Variants in BICDL2 observed in about 807,000 individuals in gnomAD.
BICDL2 encodes the protein BICD family like cargo adaptor 2, also known as BICD family-like cargo adapter 2.
BICDL2 carries 62 observed loss-of-function variants against 56.6 expected under a neutral mutation model. The observed-to-expected ratio is 1.10, with a 90% CI of 0.89 to 1.35. The LOEUF (loss-of-function observed/expected upper bound fraction) is 1.35. Ranked by LOEUF, BICDL2 falls within the 40% of genes most tolerant of loss-of-function variation. The pLI is 0.00. For missense variants in BICDL2, 808 were observed against 684.5 expected (o/e 1.18, Z -2.01); for synonymous variants, 358 against 319.8 (o/e 1.12, Z -1.27).
intron 1 of BICDL2, chr16:3,036,373 C>T (rs1277992558): frequency 2.2e-6 from 1 of 449,308 alleles, no homozygotes; most frequent in African/African-American, 2.0e-5. Context: ...TAGGGCGGCT[C>T]AGGGGCTGGG....
chr16:3,034,521 A>G (rs942120974), intron 2 of BICDL2, among the ~76,000 whole-genome samples: 1 of 152,094 alleles, frequency 6.6e-6, no homozygotes, highest in Non-Finnish European at 1.5e-5. Flanking sequence ...ACCTCAAGTG[A>G]TCCAGCCACC....
At chr16:3,029,760 G>C (rs1190859064) in intron 5 of BICDL2, 21 bp from the exon 6 acceptor site, 66 of 1,455,442 alleles carry the variant, frequency 4.5e-5, no homozygotes, top group Non-Finnish European at 5.9e-5. Context: ...TCCCGCAGAC[G>C]GAAGCGCGGG....
In BICDL2 at chr16:3,029,612, G is replaced by A. The variant is rs1221333302; in HGVS notation, c.890C>T (p.Ser297Leu). ...GTCGTCGAGGCTGTGGGCCAGTTCT[G>A]ACTGCAACGAGGCAGCCGACACGTC... ...DADVSAASLQ[S>L]ELAHSLDDGD... Residue 297 changes from serine (S) to leucine (L), a missense_variant, in exon 6 of 10, where the codon TCA becomes TTA. Physicochemically the swap from Ser to Leu is moderately radical, Grantham distance 145 (BLOSUM62 -2). Coordinates refer to ENST00000572449, the MANE Select transcript of BICDL2 (RefSeq NM_001369667.1). 1 of 1,540,288 alleles carries A rather than the reference G, an allele frequency of 6.5e-7. No individual in the cohort carries two copies. The highest frequency in any genetic ancestry group is 1.2e-5 in the South Asian group (1 of 84,072).
chr16:3,031,019 C>T lies in BICDL2; in HGVS notation c.414G>A (p.Glu138=), dbSNP rs759073155. 7 of 1,549,812 alleles carry T rather than the reference C, an allele frequency of 4.5e-6. No individual in the cohort carries two copies. The East Asian group carries it at 1.7e-4, about 37-fold the overall frequency. The change falls in exon 3 of 10, where the codon GAG becomes GAA. Residue 138 remains glutamate (E), a synonymous_variant. Coordinates refer to ENST00000572449, the MANE Select transcript of BICDL2 (RefSeq NM_001369667.1). The stretch of plus-strand genomic sequence containing the variant: ...CCCGTTCTCGCCCACTGTCCTGCTG[C>T]TCTGAGCGCTGCTCCCCAAGCTGGG... ...LRAQLGEQRS[E]QQDSGRERAR...
At position 3,028,225 on chromosome 16, in the gene BICDL2, T is replaced by G. The variant is rs779998096; in HGVS notation, c.1408A>C (p.Lys470Gln). 6.8e-7 allele frequency: 1 copy of G among 1,473,264 alleles called. No homozygotes were observed. Among genetic ancestry groups the G allele is most frequent in the Non-Finnish European group, 8.9e-7 (1 of 1,123,604 alleles). 91.3% of individuals were successfully genotyped at this position (1,473,264 alleles called of 1,614,324 possible). ...GACGACGCGGAGGCGCTCAGCTCCT[T>G]CTGGCGCTGTGAGCGCAGCTGCTGC... ...IGQQLRSQRQ[K>Q]ELSASASSST... is the part of the protein sequence containing the mutation. Residue 470 changes from lysine to glutamine, a missense_variant, in exon 10 of 10, where the codon AAG becomes CAG. Physicochemically the swap from Lys to Gln is moderately conservative, Grantham distance 53 (BLOSUM62 1). Coordinates refer to ENST00000572449, the MANE Select transcript of BICDL2 (RefSeq NM_001369667.1).
chr16:3,028,266 A>C lies in BICDL2; in HGVS notation c.1367T>G (p.Met456Arg), dbSNP rs777999657. ...TQELEAWQDD[M>R]QVVIGQQLRS... ...CAGCTGCTGCCCGATCACCACCTGCATGTCGTCCTGCGGGAGGCCGTGGTC... is the reference window on the plus strand; with the variant it reads ...CAGCTGCTGCCCGATCACCACCTGCCTGTCGTCCTGCGGGAGGCCGTGGTC... Residue 456 changes from methionine (M) to arginine (R), a missense_variant, in exon 10 of 10, where the codon ATG becomes AGG. By Grantham distance (91) the Met-to-Arg change is moderately conservative. Transcript: ENST00000572449. 13 of 1,489,492 alleles carry C rather than the reference A, an allele frequency of 8.7e-6. No individual in the cohort carries two copies. The highest frequency in any genetic ancestry group is 1.5e-5 in the African/African-American group (1 of 68,414). The allele number at this position is 1,489,492 out of a possible 1,614,324, so 92.3% of individuals were successfully genotyped here.
At chr16:3,028,612 G>T (rs1440653560) in intron 8 of BICDL2, 88 bp downstream of exon 8, 8 of 1,477,448 alleles carry the variant, frequency 5.4e-6, no homozygotes, top group Non-Finnish European at 7.2e-6. Context: ...TGGGAGTGGG[G>T]ATCATTATAA....
At position 3,029,563 on chromosome 16, in the gene BICDL2, G is replaced by A. The variant is rs1955619954; in HGVS notation, c.939C>T (p.Asp313=). ...AGCTCACCGGGGTGTCTCCGGGTGC[G>A]TCGGCGCCCTGGCCCTGGTCGCCGT... ...LDDGDQGQGA[D]APGDTPTTRS... is the part of the protein sequence containing the mutation. The change falls in exon 6 of 10, where the codon GAC becomes GAT. Residue 313 remains aspartate, a synonymous_variant. Coordinates refer to ENST00000572449, the MANE Select transcript of BICDL2 (RefSeq NM_001369667.1). The A allele has an allele frequency of 1.9e-6, 3 of 1,548,004 alleles. No homozygotes were observed. Among genetic ancestry groups the A allele is most frequent in the Non-Finnish European group, 2.6e-6 (3 of 1,151,230 alleles).
Position 3,029,352 on chromosome 16 carries a change from C to T in BICDL2, c.1035G>A (p.Lys345=), listed in dbSNP as rs765499461. ...SPPEEILEPP[K]KRTSLSPAEI... is the part of the protein sequence containing the mutation. ...CCGCTGGACTGAGGGATGTTCGCTT[C>T]TTGGGGGGCTCTAAGATCTCTTCCG... The change falls in exon 7 of 10, where the codon AAG becomes AAA. Residue 345 remains lysine, a synonymous_variant. Transcript: ENST00000572449. 6.2e-7 allele frequency: 1 copy of T among 1,610,640 alleles called. No homozygotes were observed. The highest frequency in any genetic ancestry group is 8.5e-7 in the Non-Finnish European group (1 of 1,179,384).
chr16:3,028,548 G>A, intron 8 of BICDL2, 80 bp from the exon 9 acceptor site: 1 of 1,534,762 alleles, frequency 6.5e-7, no homozygotes, highest in Non-Finnish European at 8.7e-7. Flanking sequence ...TTCTGTACCC[G>A]GGCGGGAGGA....
chr16:3,031,352 C>G (rs1322191454), intron 2 of BICDL2: 3 of 593,268 alleles, frequency 5.1e-6, no homozygotes, highest in African/African-American at 3.7e-5. Context: ...TCCGAGCAGA[C>G]AGGACGCGTG....
chr16:3,035,185 A>ACCCCCCCCC, intron 2 of BICDL2, 30 bp downstream of exon 2: 1 of 41,126 alleles, frequency 2.4e-5, no homozygotes. Flanking sequence ...CTGCCCACCC[A>ACCCCCCCCC]CCCACCCACC....
chr16:3,028,430 A>AG lies in BICDL2; in HGVS notation c.1276dup (p.Leu426ProfsTer78). The AG allele has an allele frequency of 6.4e-7, 1 of 1,562,070 alleles. No homozygotes were observed. Among genetic ancestry groups the AG allele is most frequent in the Non-Finnish European group, 8.6e-7 (1 of 1,162,770 alleles). On this transcript the variant is annotated frameshift_variant, in exon 9 of 10. Transcript: ENST00000572449. LOFTEE classifies it high-confidence loss of function. ...CTCCCGAGACAGGGAGTCTCGCTCC[A>AG]GCGAGACGCGGTTGAGCTGCAGGGA...
chr16:3,036,608 TC>T (rs1264105305), intron 1 of BICDL2: 1 of 432,386 alleles, frequency 2.3e-6, no homozygotes, highest in Admixed American at 2.5e-5. Flanking sequence ...CGGGCCCCGC[TC>T]CCCCGCCCCC....
At position 3,028,807 on chromosome 16, in the gene BICDL2, C is replaced by A. The variant is rs1211266283; in HGVS notation, c.1131G>T (p.Leu377=). The change falls in exon 8 of 10, where the codon CTG becomes CTT. Residue 377 remains leucine, a synonymous_variant. Coordinates refer to ENST00000572449, the MANE Select transcript of BICDL2 (RefSeq NM_001369667.1). ...QDEISLQQAE[L]QSLREELQRQ... is the part of the protein sequence containing the mutation. The stretch of plus-strand genomic sequence containing the variant: ...TCTGCAGCTCTTCCCGCAGGGACTG[C>A]AGCTCTGCCTGCTGCAGCGAGATCT... 2 of 1,553,904 alleles carry A rather than the reference C, an allele frequency of 1.3e-6. No homozygotes were observed. Among genetic ancestry groups the A allele is most frequent in the Admixed American group, 3.9e-5 (2 of 51,836 alleles).
rs763478330 is a variant in BICDL2, at chr16:3,030,554, C to CT, written c.656dup (p.Ile220AspfsTer6). On this transcript the variant is annotated frameshift_variant, in exon 5 of 10. Transcript: ENST00000572449. LOFTEE classifies it high-confidence loss of function. ...CCACCTCCTCACGCAGGCCTCGGAT[C>CT]TGGGCCTCCAGGTCCTGCCGGCGGC... is the stretch of plus-strand genomic sequence containing the variant. 1.3e-6 allele frequency: 2 copies of CT among 1,598,654 alleles called. No homozygotes were observed. The highest frequency in any genetic ancestry group is 2.2e-5 in the South Asian group (2 of 89,584).
chr16:3,035,792 C>A, intron 1 of BICDL2: 1 of 464,000 alleles, frequency 2.2e-6, no homozygotes. Context: ...CATTCCAGTG[C>A]TCCAGGGCCA....
chr16:3,028,143 G>T lies in BICDL2; in HGVS notation c.1490C>A (p.Ala497Asp), dbSNP rs1278739296. Residue 497 changes from alanine to aspartate, a missense_variant, in exon 10 of 10, where the codon GCC (alanine) becomes GAC (aspartate). Ala to Asp is a moderately radical substitution (Grantham distance 126). Transcript: ENST00000572449. ...GAAGAGGTTACTGAGAAAGCCACCG[G>T]CGGGCCCGGGGCCCAGGCGCAGCGA... ...RFSLRLGPGP[A>D]GGFLSNLFRR... 2 of 1,442,408 alleles carry T rather than the reference G, an allele frequency of 1.4e-6. No individual in the cohort carries two copies. The highest frequency in any genetic ancestry group is 1.5e-5 in the South Asian group (1 of 66,768). The allele number at this position is 1,442,408 out of a possible 1,614,324, so 89.4% of individuals were successfully genotyped here.
Position 3,028,222 on chromosome 16 carries a change from C to T in BICDL2, c.1411G>A (p.Glu471Lys), listed in dbSNP as rs1567418995. 3 of 1,471,716 alleles carry T rather than the reference C, an allele frequency of 2.0e-6. No individual in the cohort carries two copies. The highest frequency in any genetic ancestry group is 5.4e-5 in the Admixed American group (2 of 37,272). The allele number at this position is 1,471,716 out of a possible 1,614,324, so 91.2% of individuals were successfully genotyped here. ...GQQLRSQRQK[E>K]LSASASSSTP... Reference sequence around the variant, plus strand: ...GACGACGACGCGGAGGCGCTCAGCTCCTTCTGGCGCTGTGAGCGCAGCTGC... The same window carrying T: ...GACGACGACGCGGAGGCGCTCAGCTTCTTCTGGCGCTGTGAGCGCAGCTGC... Residue 471 changes from glutamate to lysine, a missense_variant, in exon 10 of 10, where the codon GAG (glutamate) becomes AAG (lysine). Transcript: ENST00000572449.
Sources: allele counts gnomAD v4.1 joint callset (sites outside exome capture counted in the v4.1 genomes callset), GRCh38; gene constraint gnomAD v4.1.1; transcripts MANE v1.5; gene names NCBI Gene and HGNC (gene_info 2026-07-23, HGNC 2026-07-21).